Variants in TNIP3 observed in about 807,000 individuals in gnomAD.
TNIP3 encodes the protein TNFAIP3-interacting protein 3.
TNIP3 carries 34 observed loss-of-function variants against 54.1 expected under a neutral mutation model. The observed-to-expected ratio is 0.63, with a 90% CI of 0.48 to 0.84. TNIP3 has a LOEUF of 0.84. Ranked by LOEUF, TNIP3 falls within the 40% of genes least tolerant of loss-of-function variation. TNIP3 has a pLI of 0.00. For synonymous variants in TNIP3, 134 were observed against 136.8 expected (o/e 0.98, Z 0.14); for missense variants, 366 against 387.6 (o/e 0.94, Z 0.47).
At chr4:121,209,403 A>G (rs992492309) in intron 2 of TNIP3, among the ~76,000 whole-genome samples, 2 of 152,218 alleles carry the variant, frequency 1.3e-5, no homozygotes, top group African/African-American at 4.8e-5. Context: ...AGGCCTTAAC[A>G]TGTGGGGTCT....
chr4:121,157,131 T>C lies in TNIP3; in HGVS notation c.326A>G (p.Gln109Arg). The change falls in exon 4 of 11, where the codon CAG becomes CGG. Residue 109 changes from glutamine to arginine, a missense_variant. Physicochemically the swap from Gln to Arg is conservative, Grantham distance 43 (BLOSUM62 1). Coordinates refer to ENST00000057513, the MANE Select transcript of TNIP3 (RefSeq NM_024873.6). ...KDDRQREDDRQRDLTRDRLQR... is the reference protein window; with the variant it reads ...KDDRQREDDRRRDLTRDRLQR... ...CAGCCGGTCCCGGGTCAGGTCGCGC[T>C]GCCTGTCGTCCTCTCTCTGCCTGTC... is the stretch of plus-strand genomic sequence containing the variant. 6.2e-7 allele frequency: 1 copy of C among 1,613,710 alleles called. No homozygotes were observed. Among genetic ancestry groups the C allele is most frequent in the South Asian group, 1.1e-5 (1 of 91,076 alleles).
chr4:121,222,356 C>T lies in TNIP3; in HGVS notation c.3+5029G>A, dbSNP rs116550753. Among the ~76,000 whole-genome samples the T allele has an allele frequency of 5.5e-3, 841 of 152,228 alleles. 13 individuals carry two copies. The highest frequency in any genetic ancestry group is 0.019 in the African/African-American group (804 of 41,534). On this transcript the variant is annotated intron_variant, in intron 1 of 12. Transcript: ENST00000509841. ...ATCAAAGCACCCCAAATTACAAATT[C>T]GCTTTTTCAAACGTGTATTGGAAGG...
intron 2 of TNIP3, among the ~76,000 whole-genome samples, chr4:121,196,686 C>T (rs887372704): frequency 8.6e-5 from 13 of 151,506 alleles, no homozygotes; most frequent in Non-Finnish European, 1.5e-4. Context: ...AGCAAAGGCT[C>T]AACAAATGCT....
At chr4:121,207,192 C>G (rs1726237757) in intron 2 of TNIP3, among the ~76,000 whole-genome samples, 1 of 151,938 alleles carries the variant, frequency 6.6e-6, no homozygotes. Context: ...AGGAAGGAAG[C>G]CTGAATATTC....
intron 2 of TNIP3, among the ~76,000 whole-genome samples, chr4:121,210,802 C>A (rs560453262): frequency 6.6e-6 from 1 of 152,138 alleles, no homozygotes; most frequent in Non-Finnish European, 1.5e-5. Context: ...ACCTTAATTA[C>A]CTCCTAAGGG....
At chr4:121,135,427 A>G (rs1457081027) in intron 10 of TNIP3, among the ~76,000 whole-genome samples, 1 of 151,282 alleles carries the variant, frequency 6.6e-6, no homozygotes, top group Non-Finnish European at 1.5e-5. Flanking sequence ...AGATAGAGTC[A>G]TTTTCTGTCA....
rs374033583 is a variant in TNIP3, at chr4:121,154,600, G to A, written c.443C>T (p.Ala148Val). 2.4e-5 allele frequency: 39 copies of A among 1,613,488 alleles called. No homozygotes were observed. Among genetic ancestry groups the A allele is most frequent in the Non-Finnish European group, 3.0e-5 (35 of 1,179,904 alleles). ...TTCGTAATGTTCCTTTTCCTTGTTC[G>A]CAAGAGTATTTTTTCCCTTTAAAAG... is the stretch of plus-strand genomic sequence containing the variant. The part of the protein sequence containing the change: ...NKLLKGKNTL[A>V]NKEKEHYECE... The change falls in exon 5 of 11, where the codon GCG (alanine) becomes GTG (valine). Residue 148 changes from alanine (A) to valine (V), a missense_variant. Transcript: ENST00000057513.
intron 2 of TNIP3, among the ~76,000 whole-genome samples, chr4:121,203,719 T>A (rs988878255): frequency 6.6e-6 from 1 of 152,052 alleles, no homozygotes; most frequent in Non-Finnish European, 1.5e-5. Flanking sequence ...TATTTTTTAA[T>A]GGATATTTTA....
chr4:121,132,636 G>C lies in TNIP3; in HGVS notation c.973C>G (p.Pro325Ala), dbSNP rs144698172. The C allele has an allele frequency of 3.7e-6, 6 of 1,612,924 alleles. No individual in the cohort carries two copies. In the African/African-American group the frequency reaches 8.0e-5, roughly 22 times the overall value. The change falls in exon 11 of 11, where the codon CCG (proline) becomes GCG (alanine). Residue 325 changes from proline (P) to alanine (A), a missense_variant. By Grantham distance (27) the Pro-to-Ala change is conservative. Coordinates refer to ENST00000057513, the MANE Select transcript of TNIP3 (RefSeq NM_024873.6). ...CTCTCTGTTAGTGTGTACTTCTACG[G>C]ATGGACTTTCTTTACTGAGGATAAA... ...NGLSSVKKVH[P>A]
intron 7 of TNIP3, among the ~76,000 whole-genome samples, chr4:121,145,550 G>A (rs1729376747): frequency 6.6e-6 from 1 of 151,016 alleles, no homozygotes; most frequent in African/African-American, 2.4e-5. Flanking sequence ...GTAATGGCAA[G>A]GACATTGCCA....
chr4:121,204,412 A>C (rs1482220941), intron 2 of TNIP3, among the ~76,000 whole-genome samples: 2 of 152,206 alleles, frequency 1.3e-5, no homozygotes, highest in African/African-American at 4.8e-5. Context: ...TTTGTCTTAC[A>C]TATATTGATT....
intron 9 of TNIP3, 71 bp from the exon 10 acceptor site, chr4:121,138,755 T>C: frequency 7.2e-7 from 1 of 1,382,770 alleles, no homozygotes; most frequent in South Asian, 1.2e-5. Context: ...AAAATACAAT[T>C]AGGCTATGTG....
chr4:121,164,910 T>A (rs534433140), upstream of TNIP3, among the ~76,000 whole-genome samples: 2 of 152,188 alleles, frequency 1.3e-5, no homozygotes, highest in Admixed American at 6.5e-5. Context: ...TCATTTTCAC[T>A]TTAATTATTT....
chr4:121,208,345 C>T (rs1726295874), intron 2 of TNIP3, among the ~76,000 whole-genome samples: 1 of 152,178 alleles, frequency 6.6e-6, no homozygotes, highest in Non-Finnish European at 1.5e-5. Flanking sequence ...AGATATTTTA[C>T]AGACCCTGAA....
chr4:121,170,481 T>C (rs1372176978), intron 3 of TNIP3, among the ~76,000 whole-genome samples: 1 of 152,218 alleles, frequency 6.6e-6, no homozygotes, highest in Non-Finnish European at 1.5e-5. Flanking sequence ...CTGGCCTGTT[T>C]CCGTGTATTT....
At chr4:121,194,060 G>A (rs1390798794) in intron 2 of TNIP3, among the ~76,000 whole-genome samples, 1 of 152,028 alleles carries the variant, frequency 6.6e-6, no homozygotes, top group African/African-American at 2.4e-5. Flanking sequence ...GATATTAATG[G>A]GATAATTGGC....
chr4:121,219,002 C>A (rs1726922438), upstream of TNIP3, among the ~76,000 whole-genome samples: 1 of 152,144 alleles, frequency 6.6e-6, no homozygotes, highest in Non-Finnish European at 1.5e-5. Flanking sequence ...GAGTTCGAGA[C>A]CAGCCTGACC....
In TNIP3 at chr4:121,141,928, A is replaced by G. The variant is rs762540877; in HGVS notation, c.787-14T>C. The G allele has an allele frequency of 6.4e-7, 1 of 1,569,796 alleles. No homozygotes were observed. Among genetic ancestry groups the G allele is most frequent in the Non-Finnish European group, 8.6e-7 (1 of 1,156,528 alleles). ...TGGGCAATACATCTGAGGAGAACAAAACTGTGGGGTCACTACCAGTGGGAG... is the reference window on the plus strand; with the variant it reads ...TGGGCAATACATCTGAGGAGAACAAGACTGTGGGGTCACTACCAGTGGGAG... On this transcript the variant is annotated splice_polypyrimidine_tract_variant and intron_variant, in intron 8 of 10. Transcript: ENST00000057513.
At chr4:121,218,796 A>G (rs2148851772), upstream of TNIP3, among the ~76,000 whole-genome samples, 1 of 139,048 alleles carries the variant, frequency 7.2e-6, no homozygotes, top group South Asian at 2.1e-4. Context: ...TCCTGGGCTC[A>G]AGCAATTCTC....
Sources: allele counts gnomAD v4.1 joint callset (sites outside exome capture counted in the v4.1 genomes callset), GRCh38; gene constraint gnomAD v4.1.1; transcripts MANE v1.5; gene names NCBI Gene and HGNC (gene_info 2026-07-23, HGNC 2026-07-21).